The following TMEM178B variants were observed in gnomAD, a reference collection of about 807,000 sequenced individuals.
TMEM178B encodes the protein transmembrane protein 178B.
A neutral mutation model predicts 31.0 loss-of-function variants in TMEM178B; 5 were observed. That is an observed-to-expected ratio of 0.16 (90% CI 0.08 to 0.34). The LOEUF is 0.34. Ranked by LOEUF, TMEM178B falls within the 10% of genes least tolerant of loss-of-function variation. The pLI is 1.00. For synonymous variants in TMEM178B, 164 were observed against 164.0 expected, an observed-to-expected ratio of 1.00 and a Z score of 0.00; for missense variants, 275 against 400.3, an observed-to-expected ratio of 0.69 and a Z score of 2.67.
Position 141,461,112 on chromosome 7 carries a change from A to G in TMEM178B, c.635-9424A>G, listed in dbSNP as rs1293761540. Among the ~76,000 whole-genome samples the G allele has an allele frequency of 1.3e-4, 20 of 152,200 alleles. No individual in the cohort carries two copies. Among genetic ancestry groups the G allele is most frequent in the Admixed American group, 1.3e-3 (20 of 15,282 alleles). On this transcript the variant is annotated intron_variant, in intron 3 of 3. Coordinates refer to ENST00000565468, the MANE Select transcript of TMEM178B (RefSeq NM_001195278.2). This position sits in a 1 kb window ranked among gnomAD's most constrained non-coding sequence, Gnocchi z 4.0. ...CCCAGGACGGATGTGCCACTGTTGA[A>G]GGAGGAGGCCCTCTCCTTCTGTTTG...
At chr7:141,399,561 G>A (rs558212165) in intron 2 of TMEM178B, among the ~76,000 whole-genome samples, 18 of 152,262 alleles carry the variant, frequency 1.2e-4, no homozygotes, top group African/African-American at 4.3e-4. Context: ...AATCACAAAT[G>A]TCCAAGGAGG....
At chr7:141,284,970 G>T (rs945655682) in intron 2 of TMEM178B, among the ~76,000 whole-genome samples, 2 of 151,550 alleles carry the variant, frequency 1.3e-5, no homozygotes, top group African/African-American at 4.9e-5. Context: ...TTAGAGATAT[G>T]AATTCTGGTG....
At chr7:141,463,255 G>A (rs1184452671) in intron 3 of TMEM178B, among the ~76,000 whole-genome samples, 1 of 152,166 alleles carries the variant, frequency 6.6e-6, no homozygotes, top group East Asian at 1.9e-4. Flanking sequence ...ACTGGGTTGA[G>A]TAGGAGTCTG....
At chr7:141,228,757 T>C (rs1397691584) in intron 2 of TMEM178B, among the ~76,000 whole-genome samples, 1 of 152,130 alleles carries the variant, frequency 6.6e-6, no homozygotes, top group Non-Finnish European at 1.5e-5. Flanking sequence ...GCTTGTATCA[T>C]TTTCCTCCAT....
the TMEM178B span, among the ~76,000 whole-genome samples, chr7:141,489,400 C>T: frequency 5.9e-5 from 9 of 152,294 alleles, no homozygotes; most frequent in Admixed American, 1.3e-4. Context: ...GCTAAGCTGC[C>T]GGTTGGCTTC....
At chr7:141,197,914 T>A (rs1796810698) in intron 1 of TMEM178B, among the ~76,000 whole-genome samples, 1 of 152,198 alleles carries the variant, frequency 6.6e-6, no homozygotes, top group Non-Finnish European at 1.5e-5. Context: ...ATTACAGGCA[T>A]GAGCCACCGC....
rs111577876 is a variant in TMEM178B at position 141,127,459 on chromosome 7, A to G, written c.382+52767A>G. Among the ~76,000 whole-genome samples, 1,406 of 152,324 alleles carry G rather than the reference A, an allele frequency of 9.2e-3. 23 individuals carry two copies. Among genetic ancestry groups the G allele is most frequent in the African/African-American group, 0.031 (1,293 of 41,578 alleles). On this transcript the variant is annotated intron_variant, in intron 1 of 3. Coordinates refer to ENST00000565468, the MANE Select transcript of TMEM178B (RefSeq NM_001195278.2). ...CCTAAATCCGAAGACAGGTGTCCCA[A>G]TAAGAAGAAGAGAGGCCACAGAAGT...
In TMEM178B at chr7:141,122,665, A is replaced by G. The variant is rs532742625; in HGVS notation, c.382+47973A>G. On this transcript the variant is annotated intron_variant, in intron 1 of 3. Transcript: ENST00000565468. The stretch of plus-strand genomic sequence containing the variant: ...TTAAATATGATTACACAAATGTAAT[A>G]TTATTTATGGTATGGGAGGAACCAT... Among the ~76,000 whole-genome samples, 4 of 152,340 alleles carry G rather than the reference A, an allele frequency of 2.6e-5. No homozygotes were observed. In the South Asian group the frequency reaches 8.3e-4, roughly 32 times the overall value.
chr7:141,309,307 G>T (rs570148731), intron 2 of TMEM178B, among the ~76,000 whole-genome samples: 10 of 152,108 alleles, frequency 6.6e-5, no homozygotes, highest in African/African-American at 2.4e-4. Context: ...CTCGTGTTCT[G>T]CCTTTTGCTC....
intron 1 of TMEM178B, among the ~76,000 whole-genome samples, chr7:141,141,555 A>G (rs146975797): frequency 6.6e-4 from 101 of 152,272 alleles, no homozygotes; most frequent in Non-Finnish European, 1.3e-3. Flanking sequence ...CCTATTTATT[A>G]TCTGTCTCCC....
chr7:141,376,233 A>G (rs1390650579), intron 2 of TMEM178B, among the ~76,000 whole-genome samples: 24 of 152,238 alleles, frequency 1.6e-4, no homozygotes, highest in Admixed American at 1.6e-3. Flanking sequence ...TAATAATAAG[A>G]AGAAGAATTT....
intron 2 of TMEM178B, among the ~76,000 whole-genome samples, chr7:141,245,314 G>A (rs771278349): frequency 6.6e-6 from 1 of 150,744 alleles, no homozygotes; most frequent in Non-Finnish European, 1.5e-5. Context: ...GGAAAGGGAG[G>A]GAAAACAGGA....
intron 2 of TMEM178B, among the ~76,000 whole-genome samples, chr7:141,292,748 C>T (rs1404812749): frequency 6.7e-6 from 1 of 150,126 alleles, no homozygotes; most frequent in African/African-American, 2.4e-5. Flanking sequence ...AGTGATTCTC[C>T]TGCCTCAGCC....
intron 2 of TMEM178B, among the ~76,000 whole-genome samples, chr7:141,413,887 TA>T (rs5888004): frequency 2.6e-5 from 4 of 152,062 alleles, no homozygotes; most frequent in Admixed American, 1.3e-4. Context: ...TAAAGAGGAA[TA>T]AAAAAAATCA....
chr7:141,304,713 C>T (rs899580653), intron 2 of TMEM178B, among the ~76,000 whole-genome samples: 2 of 152,154 alleles, frequency 1.3e-5, no homozygotes, highest in Non-Finnish European at 2.9e-5. Context: ...CTTATCTCCC[C>T]TTCCTCCTCA....
At chr7:141,206,071 A>C (rs1444508974) in intron 1 of TMEM178B, among the ~76,000 whole-genome samples, 1 of 152,226 alleles carries the variant, frequency 6.6e-6, no homozygotes, top group Admixed American at 6.5e-5. Flanking sequence ...TCCTGTGTTC[A>C]TGTCCCCTTA....
chr7:141,172,221 T>TTCAC (rs1469359179), intron 1 of TMEM178B, among the ~76,000 whole-genome samples: 2 of 152,192 alleles, frequency 1.3e-5, no homozygotes, highest in Non-Finnish European at 2.9e-5. Context: ...CATTCATTCA[T>TTCAC]TCACAAATGT....
intron 1 of TMEM178B, among the ~76,000 whole-genome samples, chr7:141,157,404 CTCTT>C (rs1308044340): frequency 6.7e-6 from 1 of 150,226 alleles, no homozygotes; most frequent in African/African-American, 2.5e-5. Context: ...AACAGATCCT[CTCTT>C]TCCTACTCCT....
Position 141,126,474 on chromosome 7 carries a change from A to G in TMEM178B, c.382+51782A>G, listed in dbSNP as rs541077510. 2.0e-5 allele frequency among the ~76,000 whole-genome samples: 3 copies of G among 152,356 alleles called. No homozygotes were observed. The South Asian group carries it at 6.2e-4, about 32-fold the overall frequency. ...ATGCAGTTTTACGTGGAAGGCTGTC[A>G]TATAAAATGGGTAGAAGTGGAGATG... is the stretch of plus-strand genomic sequence containing the variant. On this transcript the variant is annotated intron_variant, in intron 1 of 3. Transcript: ENST00000565468.
Sources: gnomAD v4.1 joint callset for allele counts (sites outside exome capture counted in the v4.1 genomes callset) on GRCh38, gnomAD v4.1.1 for gene constraint, Gnocchi (gnomAD v3.1) non-coding constraint, MANE v1.5 for transcripts, NCBI Gene and HGNC (gene_info 2026-07-23, HGNC 2026-07-21) for gene names.